The following RORA variants were observed in gnomAD, a reference collection of about 807,000 sequenced individuals.
RORA encodes the protein nuclear receptor ROR-alpha.
In RORA, 7 loss-of-function variants were observed where a neutral mutation model predicts 69.5. The ratio of observed to expected loss-of-function variants is 0.10; its 90% CI spans 0.06 to 0.19. The LOEUF (loss-of-function observed/expected upper bound fraction) is 0.19. Ranked by LOEUF, RORA falls within the 10% of genes least tolerant of loss-of-function variation. The pLI is 1.00. For missense variants in RORA, 457 were observed against 663.0 expected (o/e 0.69, Z 3.41); for synonymous variants, 261 against 240.8 (o/e 1.08, Z -0.78).
intron 1 of RORA, among the ~76,000 whole-genome samples, chr15:60,934,494 GTTGT>G (rs1555395546): frequency 1.7e-5 from 2 of 116,738 alleles, no homozygotes; most frequent in Non-Finnish European, 4.0e-5. Flanking sequence ...TGTTGTTGTT[GTTGT>G]TTGTTTGTTT....
At chr15:60,876,684 A>G (rs1202353577) in intron 1 of RORA, among the ~76,000 whole-genome samples, 1 of 152,122 alleles carries the variant, frequency 6.6e-6, no homozygotes. Flanking sequence ...TCAAAGAGAA[A>G]CTTCATCTAG....
chr15:60,746,064 C>T (rs1057016774), intron 1 of RORA, among the ~76,000 whole-genome samples: 1 of 152,118 alleles, frequency 6.6e-6, no homozygotes, highest in African/African-American at 2.4e-5. Flanking sequence ...CCATGAAACT[C>T]GACCTTTTCC....
At chr15:60,775,770 C>T (rs761120351) in intron 1 of RORA, among the ~76,000 whole-genome samples, 1 of 152,172 alleles carries the variant, frequency 6.6e-6, no homozygotes, top group African/African-American at 2.4e-5. Context: ...ATTTAATAAA[C>T]ATGGAAAGAT....
chr15:60,669,853 C>A (rs2070438043), intron 2 of RORA, among the ~76,000 whole-genome samples: 1 of 152,194 alleles, frequency 6.6e-6, no homozygotes, highest in African/African-American at 2.4e-5. Flanking sequence ...GAAAGTTCCT[C>A]AAATGTGTGT....
Position 60,511,703 on chromosome 15 carries a change from G to C in RORA, c.425-82C>G. ...TCCTGCGAGCTTTGGGGTTTCCTTT[G>C]AAGTCTCACACAATCTCAATCCAAA... is the stretch of plus-strand genomic sequence containing the variant. On this transcript the variant is annotated intron_variant, in intron 4 of 10. Coordinates refer to ENST00000335670, the MANE Select transcript of RORA (RefSeq NM_134261.3). The surrounding 1 kb of genome is among the most constrained non-coding windows in gnomAD (Gnocchi z 6.4). 7.1e-7 allele frequency: 1 copy of C among 1,411,598 alleles called. No individual in the cohort carries two copies. The highest frequency in any genetic ancestry group is 9.5e-7 in the Non-Finnish European group (1 of 1,057,578). The allele number at this position is 1,411,598 out of a possible 1,614,324, so 87.4% of individuals were successfully genotyped here.
In RORA at chr15:60,983,244, A is replaced by G. The variant is rs1894099450; in HGVS notation, c.166+245809T>C. Among the ~76,000 whole-genome samples the G allele has an allele frequency of 2.6e-5, 4 of 152,360 alleles. No individual in the cohort carries two copies. The South Asian group carries it at 8.3e-4, about 32-fold the overall frequency. ...CAGGCACAACTGACCAGCATTAACAATAAAACAGAGATCTTAAGACTAACA... is the reference window on the plus strand; with the variant it reads ...CAGGCACAACTGACCAGCATTAACAGTAAAACAGAGATCTTAAGACTAACA... On this transcript the variant is annotated intron_variant, in intron 1 of 10. Transcript: ENST00000335670.
intron 1 of RORA, among the ~76,000 whole-genome samples, chr15:61,087,894 G>A (rs2078648460): frequency 1.3e-5 from 2 of 152,250 alleles, no homozygotes; most frequent in South Asian, 4.1e-4. Context: ...GATTGTCACA[G>A]TGCTTGAAAA....
At chr15:60,515,991 TTA>T (rs377667443) in intron 3 of RORA, among the ~76,000 whole-genome samples, 1,389 of 7,762 alleles carry the variant, frequency 0.18, 155 homozygotes, top group African/African-American at 0.29. Context: ...TTATATATAT[TTA>T]TATATATTTA....
intron 1 of RORA, among the ~76,000 whole-genome samples, chr15:61,085,191 G>A (rs1020563631): frequency 9.2e-5 from 14 of 152,262 alleles, no homozygotes; most frequent in Admixed American, 5.9e-4. Flanking sequence ...CCTTTCCTTT[G>A]TCCTGTGACC....
At chr15:61,117,100 T>C (rs983796312) in intron 1 of RORA, among the ~76,000 whole-genome samples, 1 of 152,170 alleles carries the variant, frequency 6.6e-6, no homozygotes, top group African/African-American at 2.4e-5. Context: ...TAAGTCTGTT[T>C]CTCATAAATG....
chr15:60,627,986 A>C (rs942584234), intron 2 of RORA, among the ~76,000 whole-genome samples: 1 of 152,226 alleles, frequency 6.6e-6, no homozygotes, highest in Non-Finnish European at 1.5e-5. Flanking sequence ...AATTTAAATA[A>C]ACTATTTTAG....
intron 1 of RORA, among the ~76,000 whole-genome samples, chr15:60,690,494 A>G (rs1005146469): frequency 1.3e-4 from 20 of 152,316 alleles, no homozygotes; most frequent in Admixed American, 3.9e-4. Context: ...CTTCCTTGGC[A>G]GCCTCCACTG....
chr15:60,726,990 T>G (rs1464274175), intron 1 of RORA, among the ~76,000 whole-genome samples: 1 of 152,178 alleles, frequency 6.6e-6, no homozygotes, highest in Non-Finnish European at 1.5e-5. Flanking sequence ...CAGTAATAAC[T>G]TTCACATTCA....
chr15:60,944,148 C>T (rs1169075865), intron 1 of RORA, among the ~76,000 whole-genome samples: 1 of 152,080 alleles, frequency 6.6e-6, no homozygotes. Flanking sequence ...GTAACATGCA[C>T]TGAAGATGAA....
chr15:60,931,507 C>T (rs1400602729), intron 1 of RORA, among the ~76,000 whole-genome samples: 1 of 152,230 alleles, frequency 6.6e-6, no homozygotes, highest in African/African-American at 2.4e-5. Flanking sequence ...TTCAAGTCTC[C>T]GACATTTGAT....
intron 3 of RORA, chr15:60,520,043 GT>G (rs2066111112): frequency 6.6e-6 from 1 of 152,124 alleles, no homozygotes; most frequent in East Asian, 1.9e-4. Context: ...GGAAGTCTCA[GT>G]TTTGAGGATT....
At chr15:60,556,704 CT>C (rs1401484025) in intron 2 of RORA, 6 of 655,862 alleles carry the variant, frequency 9.1e-6, no homozygotes, top group South Asian at 5.6e-5. Flanking sequence ...GAAAGAGATC[CT>C]CTATGCCTGG....
At chr15:60,517,938 C>T (rs1451395805) in intron 3 of RORA, among the ~76,000 whole-genome samples, 2 of 152,178 alleles carry the variant, frequency 1.3e-5, no homozygotes, top group African/African-American at 4.8e-5. Flanking sequence ...TTCTGACGAC[C>T]AAATCCCAGC....
chr15:60,804,876 A>G (rs527846728), intron 1 of RORA, among the ~76,000 whole-genome samples: 4 of 152,354 alleles, frequency 2.6e-5, no homozygotes, highest in African/African-American at 9.6e-5. Flanking sequence ...TCTCTCTTTC[A>G]ATAGAAGAAA....
Sources: gnomAD v4.1 joint callset for allele counts (sites outside exome capture counted in the v4.1 genomes callset) on GRCh38, gnomAD v4.1.1 for gene constraint, Gnocchi (gnomAD v3.1) non-coding constraint, MANE v1.5 for transcripts, NCBI Gene and HGNC (gene_info 2026-07-23, HGNC 2026-07-21) for gene names.